The following MAGI2 variants were observed in gnomAD, a reference collection of about 807,000 sequenced individuals.
MAGI2 encodes the protein membrane-associated guanylate kinase, WW and PDZ domain-containing protein 2.
A neutral mutation model predicts 133.3 loss-of-function variants in MAGI2; 35 were observed. The observed-to-expected ratio is 0.26, with a 90% CI of 0.20 to 0.35. The LOEUF is 0.35. Ranked by LOEUF, MAGI2 falls within the 10% of genes least tolerant of loss-of-function variation. The pLI is 1.00. For missense variants in MAGI2, 1,636 were observed against 1,863.4 expected (o/e 0.88, Z 2.25); for synonymous variants, 729 against 710.6 (o/e 1.03, Z -0.41).
chr7:78,509,788 A>G (rs566022637), intron 4 of MAGI2, among the ~76,000 whole-genome samples: 8 of 152,320 alleles, frequency 5.3e-5, no homozygotes, highest in African/African-American at 1.7e-4. Flanking sequence ...CACATTTAAT[A>G]TCTTATCCAT....
intron 5 of MAGI2, among the ~76,000 whole-genome samples, chr7:78,497,512 A>G (rs1257039866): frequency 6.6e-6 from 1 of 152,156 alleles, no homozygotes; most frequent in Non-Finnish European, 1.5e-5. Context: ...CACCTCTTAA[A>G]TTCAGAACTT....
At chr7:78,697,455 T>C (rs1817637493) in intron 2 of MAGI2, among the ~76,000 whole-genome samples, 1 of 152,184 alleles carries the variant, frequency 6.6e-6, no homozygotes, top group Non-Finnish European at 1.5e-5. Flanking sequence ...TTATTTTTCC[T>C]CTTAACCAAA....
At chr7:79,132,974 C>T (rs577666872) in intron 1 of MAGI2, among the ~76,000 whole-genome samples, 6 of 152,078 alleles carry the variant, frequency 3.9e-5, no homozygotes, top group South Asian at 2.1e-4. Context: ...CATTCATGTC[C>T]GTTGTCCACT....
Position 79,171,741 on chromosome 7 carries a change from AAAATAT to A in MAGI2, c.302-164541_302-164536del, listed in dbSNP as rs1193811897. Among the ~76,000 whole-genome samples the A allele has an allele frequency of 1.5e-3, 33 of 22,680 alleles. 5 individuals are homozygous for A. Among genetic ancestry groups the A allele is most frequent in the Non-Finnish European group, 2.7e-3 (18 of 6,736 alleles). 14.9% of individuals were successfully genotyped at this position (22,680 alleles called of 152,430 possible). On this transcript the variant is annotated intron_variant, in intron 1 of 21. Coordinates refer to ENST00000354212, the MANE Select transcript of MAGI2 (RefSeq NM_012301.4). ...TTAAAATTAAGCAAGACAATAGCCA[AAAATAT>A]ATATATATATATATATATATATATT...
chr7:78,503,584 T>TCCTCCTCCCCC (rs1794826321), intron 4 of MAGI2, among the ~76,000 whole-genome samples: 1 of 36,224 alleles, frequency 2.8e-5, no homozygotes, highest in African/African-American at 1.1e-4. Flanking sequence ...CTCCCCCTCC[T>TCCTCCTCCCCC]CCTCCTCCCC....
chr7:78,371,000 T>C (rs1163827097), intron 6 of MAGI2, among the ~76,000 whole-genome samples: 1 of 151,966 alleles, frequency 6.6e-6, no homozygotes, highest in African/African-American at 2.4e-5. Context: ...ATGGATTTTC[T>C]AGGTACTAAC....
At chr7:78,218,213 T>C (rs1788454615) in intron 10 of MAGI2, among the ~76,000 whole-genome samples, 1 of 152,254 alleles carries the variant, frequency 6.6e-6, no homozygotes, top group Non-Finnish European at 1.5e-5. Flanking sequence ...ATGATGTATG[T>C]ATTACAAGTC....
At chr7:78,498,795 G>C (rs538907654) in intron 5 of MAGI2, among the ~76,000 whole-genome samples, 2 of 152,104 alleles carry the variant, frequency 1.3e-5, no homozygotes, top group Admixed American at 6.5e-5. Flanking sequence ...GATGCCTCCA[G>C]TCTATGGAGG....
intron 2 of MAGI2, among the ~76,000 whole-genome samples, chr7:78,877,918 C>T (rs1246101969): frequency 6.6e-6 from 1 of 152,154 alleles, no homozygotes; most frequent in Non-Finnish European, 1.5e-5. Context: ...ATACACTACT[C>T]AGACACTGAA....
rs146307361 is a variant in MAGI2 at position 78,954,801 on chromosome 7, G to T, written c.418+52289C>A. On this transcript the variant is annotated intron_variant, in intron 2 of 21. Coordinates refer to ENST00000354212, the MANE Select transcript of MAGI2 (RefSeq NM_012301.4). ...TGTGATCATTCTTTTTTTAAAAAAG[G>T]AGTCAGTTTCAAAGCATAAAATGAT... Among the ~76,000 whole-genome samples, 1,339 of 152,124 alleles carry T rather than the reference G, an allele frequency of 8.8e-3. 24 individuals carry two copies. Among genetic ancestry groups the T allele is most frequent in the African/African-American group, 0.031 (1,272 of 41,516 alleles).
At chr7:79,395,655 T>G (rs985453694) in intron 1 of MAGI2, among the ~76,000 whole-genome samples, 42 of 152,242 alleles carry the variant, frequency 2.8e-4, no homozygotes, top group African/African-American at 9.6e-4. Context: ...TGAACCATTT[T>G]TATTAAGATC....
chr7:79,294,720 G>GGTTTTTTTTTTTTTTTTTTTTTT (rs1563086753), intron 1 of MAGI2, among the ~76,000 whole-genome samples: 1 of 82,162 alleles, frequency 1.2e-5, no homozygotes, highest in African/African-American at 3.7e-5. Flanking sequence ...TATTTTGGTA[G>GGTTTTTTTTTTTTTTTTTTTTTT]CTTTTTTTTT....
At chr7:79,198,466 G>T (rs1263407973) in intron 1 of MAGI2, among the ~76,000 whole-genome samples, 1 of 151,758 alleles carries the variant, frequency 6.6e-6, no homozygotes, top group Non-Finnish European at 1.5e-5. Context: ...CTTCTCATTT[G>T]CTTGTCACCT....
intron 3 of MAGI2, among the ~76,000 whole-genome samples, chr7:78,613,302 A>T (rs1806678104): frequency 6.6e-6 from 1 of 152,226 alleles, no homozygotes; most frequent in African/African-American, 2.4e-5. Context: ...ATTTTAGTTA[A>T]ATTTCCTCTG....
intron 1 of MAGI2, among the ~76,000 whole-genome samples, chr7:79,289,197 A>G (rs1365266045): frequency 6.6e-6 from 1 of 152,150 alleles, no homozygotes; most frequent in Non-Finnish European, 1.5e-5. Context: ...AACCTCCTTC[A>G]TATTCCCAAA....
intron 2 of MAGI2, among the ~76,000 whole-genome samples, chr7:78,730,282 T>C (rs892256736): frequency 1.3e-5 from 2 of 152,108 alleles, no homozygotes; most frequent in Non-Finnish European, 2.9e-5. Flanking sequence ...TACATTTCTC[T>C]CTGTTATGAC....
In MAGI2 at chr7:78,239,850, G is replaced by T. The variant is rs533144923; in HGVS notation, c.2047+16093C>A. 7.9e-5 allele frequency among the ~76,000 whole-genome samples: 12 copies of T among 152,316 alleles called. No individual in the cohort carries two copies. The South Asian group carries it at 2.5e-3, about 32-fold the overall frequency. ...AGCCATTATGGAAAACAGCATGGAG[G>T]TTTCTCAAAATATCAAAGATAGATC... is the stretch of plus-strand genomic sequence containing the variant. On this transcript the variant is annotated intron_variant, in intron 10 of 21. Coordinates refer to ENST00000354212, the MANE Select transcript of MAGI2 (RefSeq NM_012301.4).
chr7:78,615,521 G>A (rs1806983608), intron 3 of MAGI2: 1 of 152,188 alleles, frequency 6.6e-6, no homozygotes, highest in Non-Finnish European at 1.5e-5. Flanking sequence ...GACCTGGCAT[G>A]GAGAAATCTT....
chr7:78,506,811 AC>A lies in MAGI2; in HGVS notation c.755-5025del, dbSNP rs1326964621. Among the ~76,000 whole-genome samples, 3 of 152,226 alleles carry A rather than the reference AC, an allele frequency of 2.0e-5. No homozygotes were observed. The East Asian group carries it at 5.8e-4, about 29-fold the overall frequency. ...GTTTAAAAATGAATGAAAGGAAAAT[AC>A]AGAATTATCCTAATAGAGAAGTCAT... On this transcript the variant is annotated intron_variant, in intron 4 of 21. Transcript: ENST00000354212.
Sources: gnomAD v4.1 joint callset for allele counts (sites outside exome capture counted in the v4.1 genomes callset) on GRCh38, gnomAD v4.1.1 for gene constraint, MANE v1.5 for transcripts, NCBI Gene and HGNC (gene_info 2026-07-23, HGNC 2026-07-21) for gene names.